Variants in TTC28 observed in about 807,000 individuals in gnomAD.
TTC28 encodes tetratricopeptide repeat domain 28, also known as tetratricopeptide repeat protein 28.
Under a neutral mutation model 198.0 loss-of-function variants are expected in TTC28, and 61 were observed. That is an observed-to-expected ratio of 0.31 (90% CI 0.25 to 0.38). TTC28 has a LOEUF of 0.38. Among genes scored for constraint, TTC28 ranks in the 10% least tolerant of loss-of-function variants. The pLI, the probability that TTC28 is intolerant of heterozygous loss-of-function variation, is 1.00. For missense variants in TTC28, 2,678 were observed against 3,164.0 expected, an observed-to-expected ratio of 0.85 and a Z score of 3.69; for synonymous variants, 1,171 against 1,297.8, an observed-to-expected ratio of 0.90 and a Z score of 2.10.
At chr22:28,051,726 T>C (rs1049704851) in intron 12 of TTC28, among the ~76,000 whole-genome samples, 1 of 152,320 alleles carries the variant, frequency 6.6e-6, no homozygotes, top group African/African-American at 2.4e-5. Context: ...GTGGGAAACG[T>C]CCCCTGCATT....
chr22:28,164,850 G>A (rs1301039642), intron 5 of TTC28, among the ~76,000 whole-genome samples: 1 of 152,168 alleles, frequency 6.6e-6, no homozygotes, highest in Non-Finnish European at 1.5e-5. Context: ...CGAGTTGAGA[G>A]AAGAAGGCTT....
In TTC28 at chr22:28,136,023, T is replaced by C. The variant is rs35582163; in HGVS notation, c.1441+27069A>G. ...CACAATCAATTGCAGAATAATACTATTGTAAAACACAATAAAATATCACAG... is the reference window on the plus strand; with the variant it reads ...CACAATCAATTGCAGAATAATACTACTGTAAAACACAATAAAATATCACAG... On this transcript the variant is annotated intron_variant, in intron 6 of 22. Transcript: ENST00000397906. Among the ~76,000 whole-genome samples, 426 of 152,342 alleles carry C rather than the reference T, an allele frequency of 2.8e-3. 1 individual carries two copies. Among genetic ancestry groups the C allele is most frequent in the Non-Finnish European group, 4.5e-3 (308 of 68,034 alleles).
intron 2 of TTC28, among the ~76,000 whole-genome samples, chr22:28,379,776 G>A (rs1376203876): frequency 2.6e-5 from 4 of 152,088 alleles, no homozygotes; most frequent in Non-Finnish European, 5.9e-5. Context: ...TATGTTATGT[G>A]TATTTTATCA....
intron 1 of TTC28, among the ~76,000 whole-genome samples, chr22:28,663,207 C>G (rs1210604013): frequency 6.7e-6 from 1 of 149,844 alleles, no homozygotes; most frequent in Non-Finnish European, 1.5e-5. Flanking sequence ...GAGATAGTGC[C>G]GCTGCACTCC....
chr22:28,405,946 C>T (rs2046992075), intron 2 of TTC28, among the ~76,000 whole-genome samples: 1 of 152,218 alleles, frequency 6.6e-6, no homozygotes, highest in African/African-American at 2.4e-5. Flanking sequence ...ATAGGTTAGC[C>T]CTGCTCCACA....
At chr22:28,629,937 T>A (rs2051145877) in intron 1 of TTC28, 107 bp from the exon 2 acceptor site, 11 of 1,020,770 alleles carry the variant, frequency 1.1e-5, no homozygotes, top group Non-Finnish European at 4.2e-6. Flanking sequence ...TAAAATGTGA[T>A]CCCCAGTATT....
intron 5 of TTC28, among the ~76,000 whole-genome samples, chr22:28,235,551 A>G (rs1929177803): frequency 6.6e-6 from 1 of 152,240 alleles, no homozygotes; most frequent in African/African-American, 2.4e-5. Flanking sequence ...CATTTTATAA[A>G]GTTTCTAGAA....
intron 12 of TTC28, among the ~76,000 whole-genome samples, chr22:28,031,693 A>C (rs1271108212): frequency 6.6e-6 from 1 of 152,180 alleles, no homozygotes. Flanking sequence ...TGAATGCTCT[A>C]TGTGAACACC....
chr22:28,276,374 T>A (rs1932429216), intron 5 of TTC28, among the ~76,000 whole-genome samples: 1 of 152,104 alleles, frequency 6.6e-6, no homozygotes, highest in Non-Finnish European at 1.5e-5. Context: ...CATGAGCTCA[T>A]GACTAAAGTA....
At chr22:28,299,806 A>G (rs1158580323) in intron 3 of TTC28, among the ~76,000 whole-genome samples, 2 of 152,328 alleles carry the variant, frequency 1.3e-5, no homozygotes, top group East Asian at 3.9e-4. Context: ...TAACCAAGAT[A>G]AGAACACACT....
intron 2 of TTC28, among the ~76,000 whole-genome samples, chr22:28,318,812 C>CTT (rs71316836): frequency 0.013 from 799 of 61,382 alleles, 16 homozygotes; most frequent in African/African-American, 0.043. Flanking sequence ...GAAGTGTATT[C>CTT]TTTTTTTTTT....
chr22:28,661,422 T>C (rs1441437517), intron 1 of TTC28, among the ~76,000 whole-genome samples: 1 of 152,170 alleles, frequency 6.6e-6, no homozygotes, highest in Non-Finnish European at 1.5e-5. Context: ...AACATTCATT[T>C]ATTCATTTAT....
At chr22:28,098,883 C>G (rs148805598) in intron 10 of TTC28, 32 bp downstream of exon 10, 3 of 1,549,962 alleles carry the variant, frequency 1.9e-6, no homozygotes, top group East Asian at 2.4e-5. Context: ...CTAGTGCACA[C>G]GTAAGCAAGG....
At chr22:28,637,415 T>C (rs1008306062) in intron 1 of TTC28, among the ~76,000 whole-genome samples, 5 of 152,358 alleles carry the variant, frequency 3.3e-5, no homozygotes, top group African/African-American at 9.6e-5. Flanking sequence ...CCCAGGACCA[T>C]ATATGTTGGA....
intron 6 of TTC28, among the ~76,000 whole-genome samples, chr22:28,146,279 T>G (rs1360669758): frequency 1.3e-5 from 2 of 152,230 alleles, no homozygotes; most frequent in Non-Finnish European, 2.9e-5. Flanking sequence ...ATAGGATGTT[T>G]ACGCAGAATA....
chr22:28,192,824 C>A (rs573591812), intron 5 of TTC28, among the ~76,000 whole-genome samples: 1 of 152,292 alleles, frequency 6.6e-6, no homozygotes, highest in South Asian at 2.1e-4. Flanking sequence ...ATTGGTGTAC[C>A]TGAAAGTGAC....
chr22:28,395,254 A>C (rs1354565021), intron 2 of TTC28, among the ~76,000 whole-genome samples: 2 of 152,216 alleles, frequency 1.3e-5, no homozygotes, highest in Non-Finnish European at 2.9e-5. Flanking sequence ...TTTTACAAAG[A>C]GAGAGCAAAT....
At position 28,105,426 on chromosome 22, in the gene TTC28, C is replaced by T. The variant is rs77885044; in HGVS notation, c.3160G>A (p.Glu1054Lys). 18,757 of 1,551,686 alleles carry T rather than the reference C, an allele frequency of 0.012. 148 individuals are homozygous for T. The highest frequency in any genetic ancestry group is 0.015 in the Non-Finnish European group (16,913 of 1,146,982). Residue 1054 changes from glutamate (E) to lysine (K), a missense_variant, in exon 8 of 23, where the codon GAG (glutamate) becomes AAG (lysine). Physicochemically the swap from Glu to Lys is moderately conservative, Grantham distance 56. Around this residue, in one of 8 missense-constraint regions of TTC28, gnomAD observed 727 missense variants for 861.9 expected, o/e 0.84. Transcript: ENST00000397906. ...TGTTCTTGATAGACCACAGCCCTCTCGAAGGTGCCCAGGGATTCATAAGTC... is the reference window on the plus strand; with the variant it reads ...TGTTCTTGATAGACCACAGCCCTCTTGAAGGTGCCCAGGGATTCATAAGTC... ...GLTYESLGTF[E>K]RAVVYQEQHL...
chr22:28,546,403 A>C (rs1445304016), intron 2 of TTC28, among the ~76,000 whole-genome samples: 1 of 152,182 alleles, frequency 6.6e-6, no homozygotes, highest in Non-Finnish European at 1.5e-5. Flanking sequence ...CCGAGAGGGC[A>C]CCAATGCACT....
Sources: gnomAD v4.1 joint callset for allele counts (sites outside exome capture counted in the v4.1 genomes callset) on GRCh38, gnomAD v4.1.1 for gene constraint, gnomAD v4.1.1 regional missense constraint, MANE v1.5 for transcripts, NCBI Gene and HGNC (gene_info 2026-07-23, HGNC 2026-07-21) for gene names.